Variants in SCAF4 observed in about 807,000 individuals in gnomAD.
The protein encoded by SCAF4 is SR-related and CTD-associated factor 4.
In SCAF4, 25 loss-of-function variants were observed where a neutral mutation model predicts 129.8. The ratio of observed to expected loss-of-function variants is 0.19; its 90% CI spans 0.14 to 0.27. SCAF4 has a LOEUF of 0.27. Ranked by LOEUF, SCAF4 falls within the 10% of genes least tolerant of loss-of-function variation. The pLI is 1.00. For missense variants in SCAF4, 1,246 were observed against 1,457.1 expected (o/e 0.86, Z 2.36); for synonymous variants, 551 against 497.7 (o/e 1.11, Z -1.43).
At chr21:31,672,615 A>T (rs2049738968) in intron 19 of SCAF4, among the ~76,000 whole-genome samples, 1 of 152,208 alleles carries the variant, frequency 6.6e-6, no homozygotes. Flanking sequence ...CCAATTTTCA[A>T]AGAGTATGTC....
At chr21:31,673,562 T>C (rs2049770279) in intron 19 of SCAF4, among the ~76,000 whole-genome samples, 1 of 152,216 alleles carries the variant, frequency 6.6e-6, no homozygotes. Flanking sequence ...CTTCAGACAC[T>C]TTGGGAAAAT....
At chr21:31,727,161 C>T (rs1439894788) in intron 1 of SCAF4, among the ~76,000 whole-genome samples, 1 of 152,132 alleles carries the variant, frequency 6.6e-6, no homozygotes. Context: ...TCACTGCAAC[C>T]TCTGCCTCCA....
chr21:31,722,448 C>T (rs1488367728), intron 1 of SCAF4, among the ~76,000 whole-genome samples: 1 of 152,028 alleles, frequency 6.6e-6, no homozygotes, highest in Non-Finnish European at 1.5e-5. Flanking sequence ...CAACCAGAAT[C>T]GGCCTCAAAC....
intron 9 of SCAF4, 109 bp from the exon 10 acceptor site, chr21:31,695,089 TACA>T (rs1281752127): frequency 6.5e-5 from 54 of 833,110 alleles, no homozygotes; most frequent in African/African-American, 2.4e-4. Context: ...AAGGAAAAGT[TACA>T]ACGACATTCA....
At chr21:31,725,761 C>T (rs7283156) in intron 1 of SCAF4, among the ~76,000 whole-genome samples, 34,706 of 151,976 alleles carry the variant, frequency 0.23, 5,515 homozygotes, top group East Asian at 0.51. Context: ...ATGTGTGTTA[C>T]TGCAACAGAC....
At position 31,717,842 on chromosome 21, in the gene SCAF4, T is replaced by TATATAC. The variant is rs547466352; in HGVS notation, c.31-11486_31-11485insGTATAT. ...AACTGCTGCCATATATATATATATA[T>TATATAC]ACACACACACACACACACACACACA... On this transcript the variant is annotated intron_variant, in intron 1 of 19. Coordinates refer to ENST00000286835, the MANE Select transcript of SCAF4 (RefSeq NM_020706.2). Among the ~76,000 whole-genome samples, 110 of 114,372 alleles carry TATATAC rather than the reference T, an allele frequency of 9.6e-4. 1 individual carries two copies. The highest frequency in any genetic ancestry group is 6.4e-3 in the East Asian group (27 of 4,232). The allele number at this position is 114,372 out of a possible 152,430, so 75.0% of individuals were successfully genotyped here.
chr21:31,679,231 G>A (rs771463457), intron 19 of SCAF4, among the ~76,000 whole-genome samples: 7 of 152,064 alleles, frequency 4.6e-5, no homozygotes, highest in Non-Finnish European at 8.8e-5. Context: ...GTGTCACTGT[G>A]GCACTTTGCA....
chr21:31,675,849 G>A (rs2049840441), intron 19 of SCAF4, among the ~76,000 whole-genome samples: 1 of 152,192 alleles, frequency 6.6e-6, no homozygotes. Flanking sequence ...GCCTGAAATG[G>A]TGTGAAATAA....
intron 3 of SCAF4, among the ~76,000 whole-genome samples, chr21:31,705,029 C>T (rs1487393362): frequency 1.3e-5 from 2 of 152,066 alleles, no homozygotes; most frequent in South Asian, 2.1e-4. Context: ...CAACAGACAG[C>T]TGAACTGAAA....
At chr21:31,723,432 G>A (rs915914660) in intron 1 of SCAF4, among the ~76,000 whole-genome samples, 49 of 151,810 alleles carry the variant, frequency 3.2e-4, no homozygotes, top group Non-Finnish European at 5.4e-4. Flanking sequence ...CAGCCTGGGT[G>A]ACAGAGCAAC....
At chr21:31,707,489 T>C (rs1408780046) in intron 1 of SCAF4, among the ~76,000 whole-genome samples, 1 of 152,192 alleles carries the variant, frequency 6.6e-6, no homozygotes, top group Non-Finnish European at 1.5e-5. Flanking sequence ...ATAGAGTCCA[T>C]AGAGGGTTAT....
chr21:31,694,632 G>A (rs150449056), intron 10 of SCAF4, among the ~76,000 whole-genome samples, 181 bp downstream of exon 10: 1 of 152,262 alleles, frequency 6.6e-6, no homozygotes, highest in African/African-American at 2.4e-5. Context: ...GAATCCTATG[G>A]AAGTTGGCAG....
In SCAF4 at chr21:31,685,075, G is replaced by A; in HGVS notation, c.2462C>T (p.Pro821Leu). 3.7e-6 allele frequency: 6 copies of A among 1,612,396 alleles called. No homozygotes were observed. The highest frequency in any genetic ancestry group is 5.1e-6 in the Non-Finnish European group (6 of 1,179,358). Residue 821 changes from proline (P) to leucine (L), a missense_variant, in exon 19 of 20, where the codon CCT becomes CTT. Transcript: ENST00000286835. ...PAAPTNLPTP[P>L]VTQPVSLLGT... ...AAGAAGTGAAACAGGCTGGGTTACA[G>A]GAGGGGTGGGCAGATTCGTGGGTGC...
At chr21:31,730,080 C>T (rs1014253749) in intron 1 of SCAF4, among the ~76,000 whole-genome samples, 1 of 152,210 alleles carries the variant, frequency 6.6e-6, no homozygotes, top group African/African-American at 2.4e-5. Context: ...AATATTTTAA[C>T]TATTGTTGTG....
intron 18 of SCAF4, 66 bp downstream of exon 18, chr21:31,685,332 C>T: frequency 6.6e-7 from 1 of 1,513,436 alleles, no homozygotes; most frequent in African/African-American, 1.4e-5. Context: ...CCTATTACCG[C>T]TTCACTCTCC....
intron 1 of SCAF4, among the ~76,000 whole-genome samples, chr21:31,717,840 TATAC>T (rs1344916618): frequency 4.5e-4 from 37 of 82,682 alleles, no homozygotes; most frequent in South Asian, 1.1e-3. Flanking sequence ...TATATATATA[TATAC>T]ACACACACAC....
chr21:31,702,815 A>G (rs1264667948), intron 4 of SCAF4, among the ~76,000 whole-genome samples: 1 of 152,154 alleles, frequency 6.6e-6, no homozygotes, highest in East Asian at 1.9e-4. Context: ...TCCAGAGAAT[A>G]TATGTTATTC....
intron 19 of SCAF4, among the ~76,000 whole-genome samples, chr21:31,678,732 T>C (rs2049925141): frequency 6.6e-6 from 1 of 152,202 alleles, no homozygotes; most frequent in Non-Finnish European, 1.5e-5. Context: ...TCCTTTCCTC[T>C]GTATTTACAT....
At chr21:31,700,821 A>C in intron 7 of SCAF4, 174 bp downstream of exon 7, 1 of 759,332 alleles carries the variant, frequency 1.3e-6, no homozygotes. Context: ...CACTGAGCAC[A>C]TATCACATTT....
Sources: allele counts gnomAD v4.1 joint callset (sites outside exome capture counted in the v4.1 genomes callset), GRCh38; gene constraint gnomAD v4.1.1; transcripts MANE v1.5; gene names NCBI Gene and HGNC (gene_info 2026-07-23, HGNC 2026-07-21).